Variants in DNAH1 observed in about 807,000 individuals in gnomAD.
DNAH1 encodes the protein dynein axonemal heavy chain 1.
DNAH1 carries 327 observed loss-of-function variants against 484.3 expected under a neutral mutation model. That is an observed-to-expected ratio of 0.68 (90% CI 0.62 to 0.74). The LOEUF (loss-of-function observed/expected upper bound fraction) is 0.74. DNAH1 is among the 30% of genes least tolerant of loss of function. The pLI is 0.00. For synonymous variants in DNAH1, 2,192 were observed against 2,191.9 expected, an observed-to-expected ratio of 1.00 and a Z score of 0.00; for missense variants, 5,052 against 5,546.8, an observed-to-expected ratio of 0.91 and a Z score of 2.83.
Position 52,357,979 on chromosome 3 carries a change from C to T in DNAH1, c.4062C>T (p.Arg1354=), listed in dbSNP as rs1310319798. Residue 1354 remains arginine, a synonymous_variant, in exon 24 of 78, where the codon CGC becomes CGT. Coordinates refer to ENST00000420323, the MANE Select transcript of DNAH1 (RefSeq NM_015512.5). ...CCACGGCCGTGCAGCCACACCTGCG[C>T]AAGTGCTTCGAGAACATCGCTCGGG... The part of the protein sequence containing the change: ...KDPTAVQPHL[R]KCFENIARLL... 1 of 1,611,740 alleles carries T rather than the reference C, an allele frequency of 6.2e-7. No individual in the cohort carries two copies. Among genetic ancestry groups the T allele is most frequent in the Non-Finnish European group, 8.5e-7 (1 of 1,178,960 alleles).
At chr3:52,345,864 G>A (rs1702121552) in intron 10 of DNAH1, among the ~76,000 whole-genome samples, 158 bp downstream of exon 10, 1 of 152,200 alleles carries the variant, frequency 6.6e-6, no homozygotes, top group African/African-American at 2.4e-5. Flanking sequence ...CCTCTTCCTA[G>A]ACCTTATTGG....
chr3:52,400,486 C>T lies in DNAH1; in HGVS notation c.*40C>T. ...GCTGGGGCCATTAAAGCTGAATTTT[C>T]TAAGCAGTCCAGCTGTGCCTTAGCT... On this transcript the variant is annotated 3_prime_UTR_variant, in exon 78 of 78. Transcript: ENST00000420323. 6.2e-7 allele frequency: 1 copy of T among 1,613,464 alleles called. No individual in the cohort carries two copies. The highest frequency in any genetic ancestry group is 1.7e-4 in the Middle Eastern group (1 of 6,056).
chr3:52,322,391 G>C lies in DNAH1; in HGVS notation c.-34-18G>C. The C allele has an allele frequency of 1.3e-6, 2 of 1,546,310 alleles. No homozygotes were observed. Among genetic ancestry groups the C allele is most frequent in the Non-Finnish European group, 1.7e-6 (2 of 1,148,124 alleles). On this transcript the variant is annotated intron_variant, in intron 1 of 77. Coordinates refer to ENST00000420323, the MANE Select transcript of DNAH1 (RefSeq NM_015512.5). ...CAGAGGCTGGCAAGGGCTGACTGAC[G>C]CTGGGTTCTTCTCCTAGGAGCTTCG...
In DNAH1 at chr3:52,350,588, C is replaced by A. The variant is rs754391501; in HGVS notation, c.2727C>A (p.Asp909Glu). ...ACCTCAGCTCAGATGACTTCAATGA[C>A]AAGTGAGTGGGAGCTTGGCCCCCAT... ...LYNLSSDDFN[D>E]KWIASNWPSK... The change falls in exon 16 of 78, where the codon GAC becomes GAA. Residue 909 changes from aspartate to glutamate, a missense_variant and splice_region_variant. Transcript: ENST00000420323. 6.0e-5 allele frequency: 97 copies of A among 1,613,426 alleles called. No homozygotes were observed. Among genetic ancestry groups the A allele is most frequent in the Non-Finnish European group, 7.5e-5 (88 of 1,179,664 alleles).
At chr3:52,349,844 C>T in intron 14 of DNAH1, 145 bp from the exon 15 acceptor site, 2 of 1,215,554 alleles carry the variant, frequency 1.6e-6, no homozygotes, top group Non-Finnish European at 2.3e-6. Flanking sequence ...CCACCAGGAG[C>T]ACCCCTCTTG....
At chr3:52,399,833 C>T (rs1704826965) in intron 77 of DNAH1, 54 bp downstream of exon 77, 1 of 1,544,108 alleles carries the variant, frequency 6.5e-7, no homozygotes, top group Non-Finnish European at 8.9e-7. Context: ...AGGACTAACC[C>T]AGCCCAGCCC....
rs1164570685 is a variant in DNAH1 at position 52,378,641 on chromosome 3, T to C, written c.7238T>C (p.Val2413Ala). ...PHIAHFTEPLVEATIMVYATI... is the reference protein window; with the variant it reads ...PHIAHFTEPLAEATIMVYATI... ...ATTGCCCACTTCACGGAGCCCCTTG[T>C]GGAAGCCACCATCATGGTGTATGCA... Residue 2413 changes from valine to alanine, a missense_variant, in exon 47 of 78, where the codon GTG becomes GCG. Physicochemically the swap from Val to Ala is moderately conservative, Grantham distance 64. Transcript: ENST00000420323. 6.2e-7 allele frequency: 1 copy of C among 1,613,640 alleles called. No individual in the cohort carries two copies. The highest frequency in any genetic ancestry group is 8.5e-7 in the Non-Finnish European group (1 of 1,179,822).
chr3:52,344,129 CG>C (rs963806990), intron 8 of DNAH1, among the ~76,000 whole-genome samples: 1 of 152,128 alleles, frequency 6.6e-6, no homozygotes, highest in African/African-American at 2.4e-5. Context: ...GGGCAGCAGG[CG>C]GGGGTGCTGC....
chr3:52,389,880 G>A (rs1309241680), intron 60 of DNAH1, among the ~76,000 whole-genome samples: 1 of 152,240 alleles, frequency 6.6e-6, no homozygotes, highest in Non-Finnish European at 1.5e-5. Flanking sequence ...GGGAGGCCAA[G>A]GTGGGTGGAT....
At chr3:52,360,789 G>C (rs1381295492) in intron 28 of DNAH1, among the ~76,000 whole-genome samples, 1 of 152,226 alleles carries the variant, frequency 6.6e-6, no homozygotes, top group Non-Finnish European at 1.5e-5. Flanking sequence ...CAGAGGAACT[G>C]AGCTGAGAGA....
chr3:52,388,956 T>C lies in DNAH1; in HGVS notation c.9495+19T>C. 6.4e-7 allele frequency: 1 copy of C among 1,574,788 alleles called. No homozygotes were observed. The highest frequency in any genetic ancestry group is 8.6e-7 in the Non-Finnish European group (1 of 1,157,350). On this transcript the variant is annotated intron_variant, in intron 59 of 77. Transcript: ENST00000420323. ...CTTCACGGTAAGAAGTCCCCACCTC[T>C]GTCTCTGACCAGCCTCGCCTTCCCA...
At chr3:52,322,891 A>ATCTATCCATCTGTCTT in intron 2 of DNAH1, 116 bp downstream of exon 2, 1 of 929,078 alleles carries the variant, frequency 1.1e-6, no homozygotes, top group Non-Finnish European at 1.7e-6. Flanking sequence ...CTGTCTATCG[A>ATCTATCCATCTGTCTT]TCTATCCATC....
intron 8 of DNAH1, among the ~76,000 whole-genome samples, chr3:52,338,589 G>A (rs905745789): frequency 6.6e-6 from 1 of 152,164 alleles, no homozygotes; most frequent in African/African-American, 2.4e-5. Context: ...GAGCTCAAGG[G>A]TATAGAGTTC....
In DNAH1 at chr3:52,389,536, C is replaced by T. The variant is rs1050108383; in HGVS notation, c.9571C>T (p.Pro3191Ser). 6 of 1,575,866 alleles carry T rather than the reference C, an allele frequency of 3.8e-6. No individual in the cohort carries two copies. Among genetic ancestry groups the T allele is most frequent in the African/African-American group, 1.4e-5 (1 of 73,568 alleles). The change falls in exon 60 of 78, where the codon CCC becomes TCC. Residue 3191 changes from proline (P) to serine (S), a missense_variant. By Grantham distance (74) the Pro-to-Ser change is moderately conservative (BLOSUM62 -1). Around this residue, in one of 4 missense-constraint regions of DNAH1, gnomAD observed 2,929 missense variants for 3,409.4 expected, o/e 0.86. Coordinates refer to ENST00000420323, the MANE Select transcript of DNAH1 (RefSeq NM_015512.5). ...RSHNVPHTSE[P>S]TLIGTLGNPV... is the part of the protein sequence containing the mutation. ...CCACAATGTCCCACACACCTCCGAG[C>T]CCACGCTAATCGGGACGCTGGGGAA...
intron 10 of DNAH1, 135 bp downstream of exon 10, chr3:52,345,841 A>C: frequency 1.1e-6 from 1 of 939,404 alleles, no homozygotes; most frequent in Non-Finnish European, 1.6e-6. Flanking sequence ...CTTTTCTCAA[A>C]ACCTGGCCTC....
At chr3:52,380,168 TGGG>T in intron 48 of DNAH1, 33 bp downstream of exon 48, 2 of 1,542,196 alleles carry the variant, frequency 1.3e-6, no homozygotes, top group South Asian at 2.4e-5. Context: ...CTGCCCCTGG[TGGG>T]GTCCTCTTCA....
intron 9 of DNAH1, among the ~76,000 whole-genome samples, chr3:52,345,085 A>G (rs1048324517): frequency 6.6e-6 from 1 of 152,118 alleles, no homozygotes; most frequent in African/African-American, 2.4e-5. Flanking sequence ...CATGTCATGT[A>G]CTCCGGATGC....
intron 67 of DNAH1, 57 bp from the exon 68 acceptor site, chr3:52,394,858 G>A (rs1704548706): frequency 1.3e-6 from 2 of 1,592,748 alleles, no homozygotes; most frequent in African/African-American, 1.3e-5. Context: ...AATCCCTGGG[G>A]CCACCAACCT....
intron 56 of DNAH1, among the ~76,000 whole-genome samples, chr3:52,387,151 G>A (rs1559561589): frequency 2.0e-5 from 3 of 152,222 alleles, no homozygotes; most frequent in Non-Finnish European, 4.4e-5. Context: ...CCCATAGGAA[G>A]TCACCCATGG....
Sources: allele counts gnomAD v4.1 joint callset (sites outside exome capture counted in the v4.1 genomes callset), GRCh38; gene constraint gnomAD v4.1.1; regional missense constraint gnomAD v4.1.1; transcripts MANE v1.5; gene names NCBI Gene and HGNC (gene_info 2026-07-23, HGNC 2026-07-21).